AKAP6: variants seen among roughly 807,000 people sequenced by gnomAD.
AKAP6 encodes the protein A-kinase anchoring protein 6.
Under a neutral mutation model 188.5 loss-of-function variants are expected in AKAP6, and 58 were observed. The observed-to-expected ratio is 0.31, with a 90% CI of 0.25 to 0.38. The LOEUF is 0.38. AKAP6 is among the 10% of genes least tolerant of loss of function. AKAP6 has a pLI of 1.00. For missense variants in AKAP6, 2,710 were observed against 2,740.0 expected (o/e 0.99, Z 0.24); for synonymous variants, 989 against 998.6 (o/e 0.99, Z 0.18).
At chr14:32,391,931 G>A (rs1428111316) in intron 1 of AKAP6, among the ~76,000 whole-genome samples, 1 of 152,112 alleles carries the variant, frequency 6.6e-6, no homozygotes, top group African/African-American at 2.4e-5. Context: ...GAATGGAAAT[G>A]GAGAAGAGAT....
At chr14:32,627,927 C>T (rs990785709) in intron 7 of AKAP6, 4 of 152,054 alleles carry the variant, frequency 2.6e-5, no homozygotes, top group African/African-American at 7.2e-5. Context: ...CTCTCTAATT[C>T]ACACCATTTT....
At chr14:32,542,334 A>G (rs904692476) in intron 3 of AKAP6, among the ~76,000 whole-genome samples, 1 of 152,222 alleles carries the variant, frequency 6.6e-6, no homozygotes, top group African/African-American at 2.4e-5. Context: ...TTCATTCAAC[A>G]TATGTGCATT....
At chr14:32,584,137 C>T (rs1251698091) in intron 5 of AKAP6, among the ~76,000 whole-genome samples, 1 of 152,172 alleles carries the variant, frequency 6.6e-6, no homozygotes, top group East Asian at 1.9e-4. Flanking sequence ...CCAAATTGCA[C>T]ATTTTAAAGT....
intron 1 of AKAP6, among the ~76,000 whole-genome samples, chr14:32,408,269 C>A (rs1344472001): frequency 1.3e-5 from 2 of 152,006 alleles, no homozygotes; most frequent in Non-Finnish European, 2.9e-5. Flanking sequence ...CAAAAATCTG[C>A]TGAGGGATAA....
chr14:32,545,600 A>G lies in AKAP6; in HGVS notation c.947A>G (p.Glu316Gly). The change falls in exon 4 of 14, where the codon GAA becomes GGA. Residue 316 changes from glutamate to glycine, a missense_variant. Physicochemically the swap from Glu to Gly is moderately conservative, Grantham distance 98. Around this residue, in one of 2 missense-constraint regions of AKAP6, gnomAD observed 2,473 missense variants for 2,426.1 expected, o/e 1.02. Transcript: ENST00000280979. ...GAGGAAGACAATGCTTCTGCAGTCG[A>G]AGAGCAACCAGGCTTAACACTGGGG... ...GCEEDNASAV[E>G]EQPGLTLGVS... is the part of the protein sequence containing the mutation. The G allele has an allele frequency of 1.9e-6, 3 of 1,614,198 alleles. No individual in the cohort carries two copies. Among genetic ancestry groups the G allele is most frequent in the Non-Finnish European group, 2.5e-6 (3 of 1,180,024 alleles).
intron 8 of AKAP6, among the ~76,000 whole-genome samples, chr14:32,684,887 A>C (rs935368342): frequency 6.6e-6 from 1 of 152,154 alleles, no homozygotes; most frequent in South Asian, 2.1e-4. Flanking sequence ...CTAGCAATGA[A>C]AAAGATACGT....
chr14:32,642,776 G>A (rs1007720702), intron 7 of AKAP6, among the ~76,000 whole-genome samples: 7 of 152,016 alleles, frequency 4.6e-5, no homozygotes, highest in East Asian at 1.9e-4. Flanking sequence ...TTTTCATTTC[G>A]ATGCACAAGG....
At chr14:32,535,833 T>G (rs1882650125) in intron 3 of AKAP6, 28 bp downstream of exon 3, 4 of 1,592,146 alleles carry the variant, frequency 2.5e-6, no homozygotes, top group Non-Finnish European at 3.4e-6. Context: ...AGTTAAGCAA[T>G]GCATTTCCAG....
chr14:32,774,975 C>T (rs1447327760), intron 12 of AKAP6, among the ~76,000 whole-genome samples: 1 of 152,146 alleles, frequency 6.6e-6, no homozygotes, highest in Non-Finnish European at 1.5e-5. Context: ...AATCAGCAAG[C>T]CATCTAATTC....
At chr14:32,492,355 T>TATATATAGAGAGGGAGAGAGAGAGAG in intron 2 of AKAP6, among the ~76,000 whole-genome samples, 1 of 82,586 alleles carries the variant, frequency 1.2e-5, no homozygotes, top group African/African-American at 3.3e-5. Context: ...TATATATATA[T>TATATATAGAGAGGGAGAGAGAGAGAG]AGAGAGAGAG....
At chr14:32,510,442 A>G (rs11628290) in intron 2 of AKAP6, among the ~76,000 whole-genome samples, 1 of 22,240 alleles carries the variant, frequency 4.5e-5, no homozygotes, top group East Asian at 8.8e-4. Context: ...ATATGTGTAT[A>G]TATATATACA....
At chr14:32,683,761 T>C (rs773071206) in intron 8 of AKAP6, among the ~76,000 whole-genome samples, 1 of 152,184 alleles carries the variant, frequency 6.6e-6, no homozygotes, top group Non-Finnish European at 1.5e-5. Context: ...CCAGCATGAC[T>C]AGATTGGTAG....
chr14:32,392,486 A>G (rs886547459), intron 1 of AKAP6, among the ~76,000 whole-genome samples: 3 of 152,160 alleles, frequency 2.0e-5, no homozygotes, highest in African/African-American at 7.2e-5. Context: ...ACATACATAT[A>G]TTTTCCAGTT....
Position 32,821,516 on chromosome 14 carries a change from T to G in AKAP6, c.3703T>G (p.Ser1235Ala). The change falls in exon 13 of 14, where the codon TCA becomes GCA. Residue 1235 changes from serine to alanine, a missense_variant. Ser to Ala is a moderately conservative substitution (Grantham distance 99). Transcript: ENST00000280979. Reference protein sequence around the residue: ...SNKLISLNEESNDLDQELQPV... With the variant: ...SNKLISLNEEANDLDQELQPV... ...CAAGTTAATTAGTTTGAATGAGGAA[T>G]CAAATGACCTTGATCAAGAACTCCA... 1 of 1,613,738 alleles carries G rather than the reference T, an allele frequency of 6.2e-7. No homozygotes were observed. Among genetic ancestry groups the G allele is most frequent in the Admixed American group, 1.7e-5 (1 of 59,922 alleles).
At chr14:32,754,144 C>G (rs554389888) in intron 11 of AKAP6, among the ~76,000 whole-genome samples, 3 of 151,934 alleles carry the variant, frequency 2.0e-5, no homozygotes, top group African/African-American at 7.3e-5. Flanking sequence ...TTTCTCTCTT[C>G]GTTTCTGTCA....
At chr14:32,654,012 G>T (rs114537299) in intron 7 of AKAP6, among the ~76,000 whole-genome samples, 1 of 152,036 alleles carries the variant, frequency 6.6e-6, no homozygotes, top group African/African-American at 2.4e-5. Flanking sequence ...TCTGCCATGC[G>T]CACAAGTCTA....
intron 1 of AKAP6, among the ~76,000 whole-genome samples, chr14:32,431,871 C>T (rs1192069132): frequency 6.6e-6 from 1 of 152,158 alleles, no homozygotes; most frequent in Non-Finnish European, 1.5e-5. Flanking sequence ...AAAAGGATTA[C>T]ACTGCAGTAT....
At chr14:32,759,072 A>G (rs2032447707) in intron 11 of AKAP6, among the ~76,000 whole-genome samples, 1 of 152,140 alleles carries the variant, frequency 6.6e-6, no homozygotes, top group South Asian at 2.1e-4. Context: ...GAGAGGGCGG[A>G]GACATAAATC....
intron 4 of AKAP6, among the ~76,000 whole-genome samples, chr14:32,552,482 G>T (rs570084931): frequency 3.9e-5 from 6 of 152,228 alleles, no homozygotes; most frequent in African/African-American, 1.2e-4. Flanking sequence ...AAATAAAATG[G>T]ACATTAGCTT....
Sources: allele counts gnomAD v4.1 joint callset (sites outside exome capture counted in the v4.1 genomes callset), GRCh38; gene constraint gnomAD v4.1.1; regional missense constraint gnomAD v4.1.1; transcripts MANE v1.5; gene names NCBI Gene and HGNC (gene_info 2026-07-23, HGNC 2026-07-21).